Variants in AGAP4 observed in about 807,000 individuals in gnomAD.
AGAP4 encodes the protein arf-GAP with GTPase, ANK repeat and PH domain-containing protein 4.
AGAP4 carries 13 observed loss-of-function variants against 60.7 expected under a neutral mutation model. The observed-to-expected ratio is 0.21, with a 90% CI of 0.14 to 0.34. AGAP4 has a LOEUF of 0.34. AGAP4 is among the 10% of genes least tolerant of loss of function. The probability of loss-of-function intolerance (pLI) is 1.00; values close to 1 mark genes in which losing one functional copy is unlikely to be tolerated. For synonymous variants in AGAP4, 70 were observed against 339.0 expected (o/e 0.21, Z 8.72); for missense variants, 169 against 884.0 (o/e 0.19, Z 10.26).
intron 6 of AGAP4, among the ~76,000 whole-genome samples, chr10:45,829,927 A>C (rs1422070098): frequency 1.3e-5 from 2 of 149,050 alleles, no homozygotes; most frequent in African/African-American, 4.9e-5. Flanking sequence ...ATATATTCCA[A>C]GTAACTAATG....
upstream of AGAP4, chr10:45,847,603 G>C (rs1253406292): frequency 3.5e-6 from 5 of 1,420,970 alleles, no homozygotes; most frequent in African/African-American, 5.9e-5. Context: ...AAGACCAGCC[G>C]GCTTATTTAA....
At position 45,830,232 on chromosome 10, in the gene AGAP4, G is replaced by C. The variant is rs1199061378; in HGVS notation, c.533+1162C>G. On this transcript the variant is annotated intron_variant, in intron 6 of 7. Coordinates refer to ENST00000616763, the MANE Select transcript of AGAP4 (RefSeq NM_001276343.3). Reference sequence around the variant, plus strand: ...CTGTCACCCAGGCTGGGGTGCAATGGCGAGATCTCGGCTCACTGCAACCTC... The same window carrying C: ...CTGTCACCCAGGCTGGGGTGCAATGCCGAGATCTCGGCTCACTGCAACCTC... 1.4e-5 allele frequency among the ~76,000 whole-genome samples: 2 copies of C among 146,674 alleles called. 1 individual carries two copies. The highest frequency in any genetic ancestry group is 3.0e-5 in the Non-Finnish European group (2 of 66,136).
chr10:45,847,527 G>C, upstream of AGAP4: 1 of 1,496,638 alleles, frequency 6.7e-7, no homozygotes, highest in Non-Finnish European at 8.8e-7. Flanking sequence ...CCCCGGCCCC[G>C]GCTAGGGCTG....
At chr10:45,844,147 C>G in intron 3 of AGAP4, 179 bp downstream of exon 3, 1 of 609,748 alleles carries the variant, frequency 1.6e-6, no homozygotes, top group South Asian at 2.1e-5. Context: ...AAAGGTTACA[C>G]GTTTTCACTA....
chr10:45,854,354 G>A (rs1349104978), upstream of AGAP4: 19 of 152,472 alleles, frequency 1.2e-4, no homozygotes, highest in African/African-American at 4.6e-4. Context: ...CAGGCCAGGT[G>A]CGGTGGCTCA....
In AGAP4 at chr10:45,837,777, CAT is replaced by C. The variant is rs1172971174; in HGVS notation, c.397-3663_397-3662del. Among the ~76,000 whole-genome samples the C allele has an allele frequency of 1.8e-3, 272 of 151,286 alleles. 1 individual carries two copies. Among genetic ancestry groups the C allele is most frequent in the African/African-American group, 6.4e-3 (262 of 41,222 alleles). The stretch of plus-strand genomic sequence containing the variant: ...AAACCATAAAAGTTCTAGAAGATAA[CAT>C]TGGAAAAACCCGTCTAGACGCTGGC... On this transcript the variant is annotated intron_variant, in intron 4 of 7. Coordinates refer to ENST00000616763, the MANE Select transcript of AGAP4 (RefSeq NM_001276343.3).
chr10:45,854,126 T>C (rs1341782783), upstream of AGAP4: 3 of 232,854 alleles, frequency 1.3e-5, no homozygotes, highest in African/African-American at 6.9e-5. Flanking sequence ...GTCTTGATTA[T>C]GGTGCCAGTT....
At chr10:45,850,900 C>A (rs2059075796), upstream of AGAP4, among the ~76,000 whole-genome samples, 1 of 151,958 alleles carries the variant, frequency 6.6e-6, no homozygotes, top group African/African-American at 2.4e-5. Flanking sequence ...AGGCTAAGTC[C>A]ATTTGTGACA....
At chr10:45,830,676 G>A (rs1387171481) in intron 6 of AGAP4, among the ~76,000 whole-genome samples, 2 of 127,740 alleles carry the variant, frequency 1.6e-5, no homozygotes, top group Admixed American at 7.5e-5. Context: ...TAGTAGAGAC[G>A]GGGCTTCGCT....
Position 45,842,583 on chromosome 10 carries a change from A to T in AGAP4, c.362-896T>A, listed in dbSNP as rs1335003809. Among the ~76,000 whole-genome samples the T allele has an allele frequency of 4.5e-3, 668 of 148,980 alleles. 21 individuals carry two copies. Among genetic ancestry groups the T allele is most frequent in the African/African-American group, 0.017 (637 of 38,598 alleles). ...AAAATAAGTATACAAACCTAATTGG[A>T]CATGGTGTCTGCAGCACAAAAAATC... On this transcript the variant is annotated intron_variant, in intron 3 of 7. Transcript: ENST00000616763.
intron 4 of AGAP4, among the ~76,000 whole-genome samples, chr10:45,836,097 A>ATGCG (rs1273973901): frequency 6.8e-6 from 1 of 146,456 alleles, no homozygotes; most frequent in African/African-American, 2.5e-5. Flanking sequence ...TACCCATTGG[A>ATGCG]TGCGGATGCC....
intron 2 of AGAP4, among the ~76,000 whole-genome samples, chr10:45,845,674 C>T (rs1156229809): frequency 9.5e-6 from 1 of 105,768 alleles, no homozygotes; most frequent in East Asian, 3.2e-4. Flanking sequence ...GTGATCTCTG[C>T]TCACTGCAAC....
intron 2 of AGAP4, among the ~76,000 whole-genome samples, chr10:45,846,162 C>T (rs1386561572): frequency 4.6e-5 from 7 of 151,264 alleles, no homozygotes; most frequent in African/African-American, 1.5e-4. Context: ...TCTGGAGACA[C>T]ATTTTCTGTT....
At chr10:45,842,623 A>C (rs1223810337) in intron 3 of AGAP4, among the ~76,000 whole-genome samples, 8 of 148,778 alleles carry the variant, frequency 5.4e-5, no homozygotes, top group Admixed American at 1.3e-4. Flanking sequence ...TTTTTCCCTA[A>C]AAAGAGGCCA....
chr10:45,851,005 C>T (rs1411855092), upstream of AGAP4, among the ~76,000 whole-genome samples: 3 of 151,964 alleles, frequency 2.0e-5, no homozygotes, highest in East Asian at 5.8e-4. Context: ...TAAAAAATCA[C>T]CATTTTTCAT....
intron 4 of AGAP4, among the ~76,000 whole-genome samples, chr10:45,836,917 T>C (rs1349165521): frequency 6.7e-6 from 1 of 150,054 alleles, no homozygotes; most frequent in Non-Finnish European, 1.5e-5. Context: ...CAGGCTGGAA[T>C]ATGCAGTGTG....
At chr10:45,847,514 TGGCCCC>T (rs1280468341), upstream of AGAP4, 1 of 1,496,746 alleles carries the variant, frequency 6.7e-7, no homozygotes, top group Admixed American at 2.1e-5. Flanking sequence ...GCCCTGGCCC[TGGCCCC>T]GGCCCCGGCT....
rs1310121077 is a variant in AGAP4 at position 45,826,522 on chromosome 10, T to C, written c.1454A>G (p.Gln485Arg). ...GTTCAAACTGGCCCACTTAGGATTC[T>C]GGGTCTCACAGTCCACACAGTGGGC... ...GNAHCVDCETQNPKWASLNLG... is the reference protein window; with the variant it reads ...GNAHCVDCETRNPKWASLNLG... The change falls in exon 8 of 8, where the codon CAG (glutamine) becomes CGG (arginine). Residue 485 changes from glutamine (Q) to arginine (R), a missense_variant. Gln to Arg is a conservative substitution (Grantham distance 43, BLOSUM62 1). Coordinates refer to ENST00000616763, the MANE Select transcript of AGAP4 (RefSeq NM_001276343.3). 1 of 1,597,686 alleles carries C rather than the reference T, an allele frequency of 6.3e-7. No individual in the cohort carries two copies. Among genetic ancestry groups the C allele is most frequent in the African/African-American group, 1.4e-5 (1 of 72,144 alleles).
chr10:45,850,965 A>G (rs1277520053), upstream of AGAP4, among the ~76,000 whole-genome samples: 9 of 152,128 alleles, frequency 5.9e-5, no homozygotes, highest in Non-Finnish European at 1.2e-4. Context: ...CATTAAGCGT[A>G]ACTGGGGAAA....
Sources: gnomAD v4.1 joint callset for allele counts (sites outside exome capture counted in the v4.1 genomes callset) on GRCh38, gnomAD v4.1.1 for gene constraint, MANE v1.5 for transcripts, NCBI Gene and HGNC (gene_info 2026-07-23, HGNC 2026-07-21) for gene names.